Variants in UTRN observed in about 807,000 individuals in gnomAD.
UTRN encodes dystrophin-related protein 1.
Under a neutral mutation model 463.9 loss-of-function variants are expected in UTRN, and 283 were observed. That is an observed-to-expected ratio of 0.61 (90% CI 0.55 to 0.67). The LOEUF is 0.67. Among genes scored for constraint, UTRN ranks in the 30% least tolerant of loss-of-function variants. The pLI is 0.00. For synonymous variants in UTRN, 1,442 were observed against 1,431.5 expected (o/e 1.01, Z -0.17); for missense variants, 3,922 against 4,084.3 (o/e 0.96, Z 1.08).
intron 2 of UTRN, among the ~76,000 whole-genome samples, chr6:144,309,795 A>C (rs1806082276): frequency 6.6e-6 from 1 of 152,194 alleles, no homozygotes; most frequent in African/African-American, 2.4e-5. Flanking sequence ...AGTTGTAATA[A>C]ACGCGAAAGA....
intron 2 of UTRN, among the ~76,000 whole-genome samples, chr6:144,339,059 A>G (rs114924543): frequency 6.6e-5 from 10 of 152,316 alleles, no homozygotes; most frequent in African/African-American, 2.4e-4. Context: ...GACTTGTGCT[A>G]TATAACTTTT....
At chr6:144,414,947 C>T (rs1488879913) in intron 3 of UTRN, among the ~76,000 whole-genome samples, 2 of 152,224 alleles carry the variant, frequency 1.3e-5, no homozygotes, top group African/African-American at 4.8e-5. Flanking sequence ...CTCCCAACCT[C>T]AGGTGATCCA....
rs1803788046 is a variant in UTRN at position 144,287,358 on chromosome 6, C to G, written c.-93+1537C>G. Among the ~76,000 whole-genome samples, 5 of 152,130 alleles carry G rather than the reference C, an allele frequency of 3.3e-5. No homozygotes were observed. The South Asian group carries it at 1.0e-3, about 32-fold the overall frequency. On this transcript the variant is annotated intron_variant, in intron 1 of 74. Transcript: ENST00000367545. ...ACAGTAGTATTAACCTTCCCTGGAG[C>G]GCTTCCGAGTGTAAATGGCAGTTCT...
intron 53 of UTRN, among the ~76,000 whole-genome samples, chr6:144,726,032 CT>C (rs140730954): frequency 7.4e-5 from 11 of 148,700 alleles, no homozygotes; most frequent in Admixed American, 2.0e-4. Flanking sequence ...ATTTCTTTTT[CT>C]TTTTTTTTTG....
intron 60 of UTRN, among the ~76,000 whole-genome samples, chr6:144,775,562 T>C (rs1775250253): frequency 6.6e-6 from 1 of 152,046 alleles, no homozygotes; most frequent in Admixed American, 6.6e-5. Context: ...GAAAAGAGAA[T>C]AGGAAGTAAA....
chr6:144,605,338 C>A (rs998614788), intron 51 of UTRN, among the ~76,000 whole-genome samples: 5 of 151,992 alleles, frequency 3.3e-5, no homozygotes, highest in African/African-American at 1.2e-4. Flanking sequence ...GCCCTGATAT[C>A]CAGCATTGGC....
chr6:144,711,573 CTT>C (rs1785714792), intron 53 of UTRN, among the ~76,000 whole-genome samples: 1 of 152,154 alleles, frequency 6.6e-6, no homozygotes, highest in East Asian at 1.9e-4. Flanking sequence ...ACCAAATGCT[CTT>C]GAGTGGATAA....
intron 3 of UTRN, among the ~76,000 whole-genome samples, chr6:144,419,570 G>C (rs560192216): frequency 6.6e-6 from 1 of 152,292 alleles, no homozygotes; most frequent in South Asian, 2.1e-4. Flanking sequence ...TTCACTACTT[G>C]GGCAATGGGG....
chr6:144,487,843 A>G, intron 29 of UTRN, 146 bp downstream of exon 29: 1 of 676,916 alleles, frequency 1.5e-6, no homozygotes. Context: ...CATTGAGGGT[A>G]TTGAAATATT....
At chr6:144,671,748 G>C (rs946101737) in intron 51 of UTRN, among the ~76,000 whole-genome samples, 9 of 152,048 alleles carry the variant, frequency 5.9e-5, no homozygotes, top group African/African-American at 2.2e-4. Flanking sequence ...TTCTCAGGGG[G>C]AATGCTTTTA....
At chr6:144,732,261 C>CACACATATATATAT (rs1788713785) in intron 54 of UTRN, among the ~76,000 whole-genome samples, 46 of 122,660 alleles carry the variant, frequency 3.8e-4, no homozygotes, top group Admixed American at 1.7e-3. Flanking sequence ...TATATATACA[C>CACACATATATATAT]ACATATATAT....
chr6:144,528,793 T>C (rs910154085), intron 41 of UTRN, among the ~76,000 whole-genome samples: 1 of 152,238 alleles, frequency 6.6e-6, no homozygotes, highest in Non-Finnish European at 1.5e-5. Flanking sequence ...AGCCAGGAGA[T>C]GGTGCTTACA....
chr6:144,595,679 T>C (rs956881937), intron 51 of UTRN, among the ~76,000 whole-genome samples: 1 of 152,196 alleles, frequency 6.6e-6, no homozygotes, highest in Non-Finnish European at 1.5e-5. Context: ...CTTTATTCAA[T>C]CCAGAATTAG....
intron 3 of UTRN, among the ~76,000 whole-genome samples, chr6:144,413,365 G>C (rs1357574973): frequency 6.6e-6 from 1 of 152,166 alleles, no homozygotes; most frequent in Non-Finnish European, 1.5e-5. Context: ...ATTTATAAAG[G>C]AAAGAGGTTT....
chr6:144,838,980 A>G (rs1400022898), intron 71 of UTRN, 193 bp from the exon 72 acceptor site: 3 of 504,850 alleles, frequency 5.9e-6, no homozygotes, highest in Non-Finnish European at 1.1e-5. Context: ...GGATTCTTCA[A>G]GGTGTCCAAG....
chr6:144,569,070 A>G (rs1800690800), intron 50 of UTRN, among the ~76,000 whole-genome samples: 1 of 152,084 alleles, frequency 6.6e-6, no homozygotes, highest in Non-Finnish European at 1.5e-5. Flanking sequence ...AGAATGGATA[A>G]AAAATCTTGT....
chr6:144,477,823 G>A (rs1284348085), intron 25 of UTRN, among the ~76,000 whole-genome samples: 5 of 152,118 alleles, frequency 3.3e-5, no homozygotes, highest in African/African-American at 7.2e-5. Flanking sequence ...AAATGGTTTG[G>A]AAGTGGCAAT....
At chr6:144,627,132 C>T (rs2128651568) in intron 51 of UTRN, among the ~76,000 whole-genome samples, 1 of 109,694 alleles carries the variant, frequency 9.1e-6, no homozygotes, top group East Asian at 2.5e-4. Context: ...TGGGGAGGAG[C>T]ATGGCACAGT....
intron 19 of UTRN, among the ~76,000 whole-genome samples, chr6:144,456,653 A>AAATAATAATAAT (rs57694055): frequency 1.0e-3 from 143 of 140,586 alleles, no homozygotes; most frequent in African/African-American, 2.3e-3. Context: ...CTCTGTCTCA[A>AAATAATAATAAT]AATAATAATA....
Sources: gnomAD v4.1 joint callset for allele counts (sites outside exome capture counted in the v4.1 genomes callset) on GRCh38, gnomAD v4.1.1 for gene constraint, MANE v1.5 for transcripts, NCBI Gene and HGNC (gene_info 2026-07-23, HGNC 2026-07-21) for gene names.